Variants in SGCD observed in about 807,000 individuals in gnomAD.
SGCD encodes delta-sarcoglycan.
SGCD carries 18 observed loss-of-function variants against 36.6 expected under a neutral mutation model. The ratio of observed to expected loss-of-function variants is 0.49; its 90% CI spans 0.34 to 0.73. The LOEUF is 0.73. SGCD is among the 30% of genes least tolerant of loss of function. The pLI is 0.01. For missense variants in SGCD, 387 were observed against 346.7 expected, an observed-to-expected ratio of 1.12 and a Z score of -0.92; for synonymous variants, 133 against 130.6, an observed-to-expected ratio of 1.02 and a Z score of -0.12.
Position 156,653,493 on chromosome 5 carries a change from C to CTTGTTTTTTTTTTTTTTTTTT in SGCD, c.575+5959_575+5960insGTTTTTTTTTTTTTTTTTTTT, listed in dbSNP as rs1763545133. Among the ~76,000 whole-genome samples, 8 of 48,106 alleles carry CTTGTTTTTTTTTTTTTTTTTT rather than the reference C, an allele frequency of 1.7e-4. 1 individual carries two copies. Among genetic ancestry groups the CTTGTTTTTTTTTTTTTTTTTT allele is most frequent in the Admixed American group, 3.7e-4 (1 of 2,720 alleles). 31.6% of individuals were successfully genotyped at this position (48,106 alleles called of 152,430 possible). On this transcript the variant is annotated intron_variant, in intron 7 of 8. Coordinates refer to ENST00000337851, the MANE Select transcript of SGCD (RefSeq NM_000337.6). ...TTTTCTTACGTAATTCTAAAGCTTGCTTTTTTTTTTTTTTTGCCCCTGTTG... is the reference window on the plus strand; with the variant it reads ...TTTTCTTACGTAATTCTAAAGCTTGCTTGTTTTTTTTTTTTTTTTTTTTTTTTTTTTTTTTTGCCCCTGTTG...
At chr5:156,284,725 G>A (rs1766548391) in intron 3 of SGCD, among the ~76,000 whole-genome samples, 1 of 152,222 alleles carries the variant, frequency 6.6e-6, no homozygotes, top group East Asian at 1.9e-4. Flanking sequence ...CATACTGAAT[G>A]GGCAAAAACT....
chr5:156,054,448 G>A (rs529253563), intron 1 of SGCD, among the ~76,000 whole-genome samples: 2 of 145,002 alleles, frequency 1.4e-5, no homozygotes, highest in African/African-American at 4.9e-5. Flanking sequence ...ACCACGCCTG[G>A]CTAATTTTTT....
intron 4 of SGCD, among the ~76,000 whole-genome samples, chr5:156,545,011 T>C (rs1354037765): frequency 6.6e-6 from 1 of 152,226 alleles, no homozygotes; most frequent in Non-Finnish European, 1.5e-5. Flanking sequence ...GTGTTTTGTT[T>C]CCTTTCAGCA....
intron 1 of SGCD, among the ~76,000 whole-genome samples, chr5:155,940,184 A>G (rs1045250294): frequency 2.6e-5 from 4 of 152,132 alleles, no homozygotes; most frequent in Non-Finnish European, 5.9e-5. Flanking sequence ...ATCTTTCTTC[A>G]AAGCTCATTA....
In SGCD at chr5:156,430,013, A is replaced by G. The variant is rs987835375; in HGVS notation, c.193-78588A>G. The stretch of plus-strand genomic sequence containing the variant: ...CCAGTGACTATGTGCCTTGGTGATG[A>G]TCTTTTGTGATGAATTTCCCAAGAG... On this transcript the variant is annotated intron_variant, in intron 3 of 8. Coordinates refer to ENST00000337851, the MANE Select transcript of SGCD (RefSeq NM_000337.6). 3.3e-5 allele frequency among the ~76,000 whole-genome samples: 5 copies of G among 152,118 alleles called. No individual in the cohort carries two copies. In the East Asian group the frequency reaches 9.6e-4, roughly 29 times the overall value.
chr5:156,603,258 A>G (rs1464972519), intron 6 of SGCD, among the ~76,000 whole-genome samples: 2 of 152,020 alleles, frequency 1.3e-5, no homozygotes, highest in African/African-American at 2.4e-5. Context: ...ATAATAATCC[A>G]TTTTATTTCT....
At chr5:156,667,611 A>C (rs1255385181) in intron 7 of SGCD, among the ~76,000 whole-genome samples, 1 of 152,232 alleles carries the variant, frequency 6.6e-6, no homozygotes, top group East Asian at 1.9e-4. Context: ...AATTGTGAAC[A>C]GCATCCATGT....
chr5:156,419,938 G>A (rs896427794), intron 3 of SGCD, among the ~76,000 whole-genome samples: 2 of 152,068 alleles, frequency 1.3e-5, no homozygotes, highest in Non-Finnish European at 2.9e-5. Context: ...CTGTATCTTT[G>A]AGCAGGGTAA....
chr5:156,251,091 G>A (rs1388905611), intron 3 of SGCD, among the ~76,000 whole-genome samples: 2 of 152,118 alleles, frequency 1.3e-5, no homozygotes, highest in African/African-American at 4.8e-5. Flanking sequence ...AAATTTTAGT[G>A]GAAATTAGAA....
At chr5:156,316,839 T>G (rs1015939299) in intron 3 of SGCD, among the ~76,000 whole-genome samples, 1 of 152,016 alleles carries the variant, frequency 6.6e-6, no homozygotes, top group African/African-American at 2.4e-5. Flanking sequence ...TGAGGGAGAT[T>G]GGAGGCAGAG....
At chr5:156,052,367 G>A (rs1759941224) in intron 1 of SGCD, among the ~76,000 whole-genome samples, 1 of 146,348 alleles carries the variant, frequency 6.8e-6, no homozygotes, top group Non-Finnish European at 1.5e-5. Context: ...GAGGCTGGCA[G>A]GGTTTGGTTC....
chr5:155,833,971 A>G, the SGCD span, among the ~76,000 whole-genome samples: 2 of 152,216 alleles, frequency 1.3e-5, no homozygotes, highest in African/African-American at 2.4e-5. Flanking sequence ...GAAGGACATC[A>G]GTCTTCCTTT....
chr5:155,773,484 C>G, the SGCD span, among the ~76,000 whole-genome samples: 2 of 152,112 alleles, frequency 1.3e-5, no homozygotes, highest in Non-Finnish European at 2.9e-5. Flanking sequence ...TTGGCCTGCC[C>G]TGACTTCTTT....
At chr5:156,737,084 G>C (rs1353976391) in intron 7 of SGCD, among the ~76,000 whole-genome samples, 4 of 152,212 alleles carry the variant, frequency 2.6e-5, no homozygotes, top group Admixed American at 2.6e-4. Context: ...GTATCCAATA[G>C]ATAACCATTT....
At chr5:156,612,306 C>T (rs906037574) in intron 6 of SGCD, among the ~76,000 whole-genome samples, 19 of 152,228 alleles carry the variant, frequency 1.2e-4, no homozygotes, top group Admixed American at 5.2e-4. Flanking sequence ...GACCCAGTAA[C>T]ATAGCCTCTG....
intron 1 of SGCD, among the ~76,000 whole-genome samples, chr5:156,075,482 T>C (rs1760750329): frequency 6.6e-6 from 1 of 152,180 alleles, no homozygotes; most frequent in African/African-American, 2.4e-5. Context: ...ATTTCAACAT[T>C]TGGGATTTGG....
At chr5:155,744,861 A>AT in the SGCD span, among the ~76,000 whole-genome samples, 1 of 152,250 alleles carries the variant, frequency 6.6e-6, no homozygotes, top group Non-Finnish European at 1.5e-5. Flanking sequence ...AAACCGATGA[A>AT]TGATGTTAAT....
chr5:156,435,366 C>A (rs1753197871), intron 3 of SGCD, among the ~76,000 whole-genome samples: 2 of 152,154 alleles, frequency 1.3e-5, no homozygotes, highest in African/African-American at 4.8e-5. Flanking sequence ...GTATATTCCC[C>A]TGAGGATATA....
the SGCD span, among the ~76,000 whole-genome samples, chr5:155,728,613 G>T: frequency 6.6e-6 from 1 of 152,154 alleles, no homozygotes; most frequent in Non-Finnish European, 1.5e-5. Flanking sequence ...GCGGCCGGCG[G>T]AGGCTTTCCG....
Sources: allele counts gnomAD v4.1 joint callset (sites outside exome capture counted in the v4.1 genomes callset), GRCh38; gene constraint gnomAD v4.1.1; transcripts MANE v1.5; gene names NCBI Gene and HGNC (gene_info 2026-07-23, HGNC 2026-07-21).